The following THSD4 variants were observed in gnomAD, a reference collection of about 807,000 sequenced individuals.
THSD4 encodes the protein thrombospondin type 1 domain containing 4, also known as thrombospondin type-1 domain-containing protein 4.
A neutral mutation model predicts 119.0 loss-of-function variants in THSD4; 69 were observed. That is an observed-to-expected ratio of 0.58 (90% CI 0.48 to 0.71). The LOEUF is 0.71. THSD4 is among the 30% of genes least tolerant of loss of function. THSD4 has a pLI of 0.00. For missense variants in THSD4, 1,393 were observed against 1,391.1 expected (o/e 1.00, Z -0.02); for synonymous variants, 524 against 540.4 (o/e 0.97, Z 0.42).
intron 10 of THSD4, among the ~76,000 whole-genome samples, chr15:71,735,882 G>GTCTCTCTGTC (rs1273230699): frequency 9.1e-6 from 1 of 110,016 alleles, no homozygotes; most frequent in African/African-American, 3.6e-5. Flanking sequence ...TTCTGTCTCT[G>GTCTCTCTGTC]TCTCTCTGTC....
Position 71,469,298 on chromosome 15 carries a change from G to A in THSD4, c.1152+57475G>A, listed in dbSNP as rs77431227. 3.5e-3 allele frequency among the ~76,000 whole-genome samples: 536 copies of A among 152,268 alleles called. 1 individual carries two copies. Among genetic ancestry groups the A allele is most frequent in the African/African-American group, 0.012 (506 of 41,534 alleles). Reference sequence around the variant, plus strand: ...TGGTTGTCATGGCTTTGTCCTCAGTGGGCATCCTCAGATTGCACACAGGAC... The same window carrying A: ...TGGTTGTCATGGCTTTGTCCTCAGTAGGCATCCTCAGATTGCACACAGGAC... On this transcript the variant is annotated intron_variant, in intron 7 of 17. Coordinates refer to ENST00000261862, the MANE Select transcript of THSD4 (RefSeq NM_024817.3).
intron 6 of THSD4, among the ~76,000 whole-genome samples, chr15:71,395,522 G>A (rs35951954): frequency 6.6e-6 from 1 of 152,088 alleles, no homozygotes; most frequent in Non-Finnish European, 1.5e-5. Flanking sequence ...TGGGCAGATC[G>A]CTTGAACTCA....
chr15:71,565,234 A>G (rs941730029), intron 7 of THSD4, among the ~76,000 whole-genome samples: 8 of 152,230 alleles, frequency 5.3e-5, no homozygotes, highest in African/African-American at 1.9e-4. Context: ...ACACCCTAGA[A>G]TGGCAGGATG....
chr15:71,725,845 G>A (rs1054428442), intron 8 of THSD4, among the ~76,000 whole-genome samples: 1 of 151,884 alleles, frequency 6.6e-6, no homozygotes, highest in Admixed American at 6.6e-5. Context: ...GCAATGGTGC[G>A]ATCTTGGCTC....
intron 7 of THSD4, among the ~76,000 whole-genome samples, chr15:71,585,451 C>T (rs928263197): frequency 1.3e-5 from 2 of 152,182 alleles, no homozygotes; most frequent in Non-Finnish European, 2.9e-5. Context: ...CTTATAATCT[C>T]ATGGAGTTTC....
chr15:71,673,788 G>C (rs576761881), intron 8 of THSD4, among the ~76,000 whole-genome samples: 1 of 151,978 alleles, frequency 6.6e-6, no homozygotes, highest in Admixed American at 6.6e-5. Flanking sequence ...AGAGAGTCTC[G>C]CTCTGTCGCC....
intron 6 of THSD4, 74 bp from the exon 7 acceptor site, chr15:71,411,613 A>T: frequency 6.9e-7 from 1 of 1,459,364 alleles, no homozygotes; most frequent in Non-Finnish European, 9.2e-7. Flanking sequence ...GGAAGAAAAA[A>T]GGTGCTGATT....
At chr15:71,260,586 G>A (rs1186227335) in intron 6 of THSD4, among the ~76,000 whole-genome samples, 1 of 152,128 alleles carries the variant, frequency 6.6e-6, no homozygotes, top group African/African-American at 2.4e-5. Flanking sequence ...CATGTTACTG[G>A]GAAATGCAAG....
intron 7 of THSD4, among the ~76,000 whole-genome samples, chr15:71,447,959 A>G (rs1347154160): frequency 6.6e-6 from 1 of 152,168 alleles, no homozygotes; most frequent in African/African-American, 2.4e-5. Context: ...TTACTTGTCA[A>G]TTGAATCTGT....
intron 1 of THSD4, among the ~76,000 whole-genome samples, chr15:71,116,394 T>C (rs907988843): frequency 4.6e-5 from 7 of 152,240 alleles, no homozygotes; most frequent in African/African-American, 1.7e-4. Flanking sequence ...TTTCTTTTTA[T>C]TTGAAATAAC....
intron 1 of THSD4, among the ~76,000 whole-genome samples, chr15:71,137,556 A>T (rs900883159): frequency 2.0e-5 from 3 of 152,282 alleles, no homozygotes; most frequent in Non-Finnish European, 4.4e-5. Context: ...TTTACTTATT[A>T]AAAAATGCTG....
chr15:71,331,251 G>A lies in THSD4; in HGVS notation c.1015+74536G>A, dbSNP rs191888798. On this transcript the variant is annotated intron_variant, in intron 6 of 17. Transcript: ENST00000261862. ...CCTTCCTCGTACTTCTTCTGGCATT[G>A]AAGAAGCAGCTCTGAAATCTCCAAC... is the stretch of plus-strand genomic sequence containing the variant. 1.1e-3 allele frequency among the ~76,000 whole-genome samples: 172 copies of A among 152,322 alleles called. 2 individuals are homozygous for A. The highest frequency in any genetic ancestry group is 2.3e-3 in the Non-Finnish European group (156 of 68,028).
chr15:71,221,035 C>A (rs374394820), intron 4 of THSD4, among the ~76,000 whole-genome samples: 2 of 152,130 alleles, frequency 1.3e-5, no homozygotes, highest in African/African-American at 4.8e-5. Context: ...AGGCTGTGTC[C>A]CCGTGATGGC....
intron 7 of THSD4, among the ~76,000 whole-genome samples, chr15:71,628,270 A>G (rs1004026368): frequency 5.3e-5 from 8 of 152,194 alleles, no homozygotes; most frequent in African/African-American, 1.9e-4. Flanking sequence ...TTCATTAACA[A>G]GGGGGTAAAA....
intron 3 of THSD4, chr15:71,165,078 T>C: frequency 1.2e-6 from 2 of 1,609,998 alleles, no homozygotes; most frequent in East Asian, 2.2e-5. Flanking sequence ...TGTTCTCCTT[T>C]GATTTTTGGG....
chr15:71,296,488 T>C (rs572868915), intron 6 of THSD4, among the ~76,000 whole-genome samples: 1 of 152,228 alleles, frequency 6.6e-6, no homozygotes, highest in East Asian at 1.9e-4. Flanking sequence ...AGTCTGTGCC[T>C]CTCGGGCAAG....
At chr15:71,611,953 G>A (rs1047766505) in intron 7 of THSD4, among the ~76,000 whole-genome samples, 1 of 152,200 alleles carries the variant, frequency 6.6e-6, no homozygotes, top group Admixed American at 6.5e-5. Context: ...TGAGGTCTTG[G>A]AGGCTTTGAA....
chr15:71,697,550 G>A (rs934387491), intron 8 of THSD4, among the ~76,000 whole-genome samples: 2 of 152,210 alleles, frequency 1.3e-5, no homozygotes, highest in African/African-American at 4.8e-5. Flanking sequence ...GGGCTCTGCT[G>A]TAAAGAAAGA....
chr15:71,468,544 C>T (rs1186715350), intron 7 of THSD4, among the ~76,000 whole-genome samples: 1 of 152,184 alleles, frequency 6.6e-6, no homozygotes, highest in Non-Finnish European at 1.5e-5. Flanking sequence ...TCCCTTGTTC[C>T]TATTTCCTAT....
Sources: gnomAD v4.1 joint callset for allele counts (sites outside exome capture counted in the v4.1 genomes callset) on GRCh38, gnomAD v4.1.1 for gene constraint, MANE v1.5 for transcripts, NCBI Gene and HGNC (gene_info 2026-07-23, HGNC 2026-07-21) for gene names.